Variants in RPS6KC1 observed in about 807,000 individuals in gnomAD.
RPS6KC1 encodes the protein inactive ribosomal protein S6 kinase delta-1.
RPS6KC1 carries 54 observed loss-of-function variants against 103.8 expected under a neutral mutation model. The ratio of observed to expected loss-of-function variants is 0.52; its 90% CI spans 0.42 to 0.65. The LOEUF is 0.65. Among genes scored for constraint, RPS6KC1 ranks in the 30% least tolerant of loss-of-function variants. The probability of loss-of-function intolerance (pLI) is 0.00; values close to 1 mark genes in which losing one functional copy is unlikely to be tolerated. For synonymous variants in RPS6KC1, 439 were observed against 438.7 expected, an observed-to-expected ratio of 1.00 and a Z score of -0.01; for missense variants, 1,151 against 1,253.8, an observed-to-expected ratio of 0.92 and a Z score of 1.24.
chr1:213,629,745 T>C, the RPS6KC1 span, among the ~76,000 whole-genome samples: 1 of 152,238 alleles, frequency 6.6e-6, no homozygotes, highest in African/African-American at 2.4e-5. Context: ...TCATGTTTAG[T>C]GCTTCCTTCA....
chr1:213,361,836 G>A, the RPS6KC1 span, among the ~76,000 whole-genome samples: 7 of 152,138 alleles, frequency 4.6e-5, no homozygotes, highest in African/African-American at 1.4e-4. Context: ...GCGTCTTTGC[G>A]GCTGTTCTGT....
intron 1 of RPS6KC1, among the ~76,000 whole-genome samples, chr1:213,060,127 AC>A (rs1439712927): frequency 2.0e-5 from 3 of 152,166 alleles, no homozygotes; most frequent in African/African-American, 7.2e-5. Context: ...TGCATGTTTT[AC>A]TTTTTAGTTT....
the RPS6KC1 span, among the ~76,000 whole-genome samples, chr1:213,495,317 C>T: frequency 3.9e-5 from 6 of 151,964 alleles, no homozygotes; most frequent in Non-Finnish European, 8.8e-5. Flanking sequence ...TGCACCCCCA[C>T]CCCGCTTTTT....
chr1:213,643,970 G>T, the RPS6KC1 span, among the ~76,000 whole-genome samples: 1 of 151,874 alleles, frequency 6.6e-6, no homozygotes, highest in Non-Finnish European at 1.5e-5. Flanking sequence ...ACCATACCGC[G>T]TCATGATGAA....
chr1:213,110,808 T>C (rs2082950368), intron 4 of RPS6KC1, among the ~76,000 whole-genome samples: 1 of 152,174 alleles, frequency 6.6e-6, no homozygotes, highest in African/African-American at 2.4e-5. Flanking sequence ...GAAGACCCCC[T>C]GTGGCTGTGT....
At chr1:213,339,865 G>C in the RPS6KC1 span, among the ~76,000 whole-genome samples, 4 of 152,096 alleles carry the variant, frequency 2.6e-5, no homozygotes, top group African/African-American at 9.7e-5. Flanking sequence ...GAAGAAAGTT[G>C]AGAGCTGAGG....
the RPS6KC1 span, among the ~76,000 whole-genome samples, chr1:213,837,682 C>T: frequency 5.5e-4 from 84 of 151,498 alleles, no homozygotes; most frequent in African/African-American, 1.8e-3. Context: ...TGTGTGTGTG[C>T]GTGTGTGTGT....
the RPS6KC1 span, among the ~76,000 whole-genome samples, chr1:213,830,064 C>T: frequency 1.4e-3 from 211 of 152,176 alleles, no homozygotes; most frequent in Non-Finnish European, 2.4e-3. Context: ...CCCCACTGGC[C>T]GTAATTAGAG....
the RPS6KC1 span, among the ~76,000 whole-genome samples, chr1:213,331,090 T>A: frequency 6.6e-6 from 1 of 152,256 alleles, no homozygotes; most frequent in Admixed American, 6.5e-5. Flanking sequence ...CATTGCATTG[T>A]ACATGGTTGG....
chr1:213,529,624 C>T, the RPS6KC1 span, among the ~76,000 whole-genome samples: 1 of 152,104 alleles, frequency 6.6e-6, no homozygotes, highest in African/African-American at 2.4e-5. Context: ...CACTTTTATT[C>T]CCATTTCACA....
chr1:213,698,506 C>T, the RPS6KC1 span, among the ~76,000 whole-genome samples: 1 of 152,152 alleles, frequency 6.6e-6, no homozygotes, highest in Non-Finnish European at 1.5e-5. Context: ...GTTATCTTTG[C>T]TTTTATACCA....
intron 8 of RPS6KC1, among the ~76,000 whole-genome samples, chr1:213,204,599 CAAT>C (rs2093279214): frequency 6.8e-6 from 1 of 146,110 alleles, no homozygotes; most frequent in Non-Finnish European, 1.5e-5. Context: ...TGCCATTAAA[CAAT>C]TTCTAATTTA....
chr1:213,342,135 G>A, the RPS6KC1 span, among the ~76,000 whole-genome samples: 1 of 152,282 alleles, frequency 6.6e-6, no homozygotes, highest in Non-Finnish European at 1.5e-5. Flanking sequence ...TGCTTAGGTG[G>A]GATGTGGATG....
the RPS6KC1 span, among the ~76,000 whole-genome samples, chr1:213,342,182 G>A: frequency 2.0e-5 from 3 of 152,098 alleles, no homozygotes; most frequent in Non-Finnish European, 2.9e-5. Context: ...CCTACCAGAC[G>A]AATGGTGCCC....
the RPS6KC1 span, among the ~76,000 whole-genome samples, chr1:213,381,829 G>A: frequency 2.0e-5 from 3 of 152,308 alleles, no homozygotes; most frequent in South Asian, 6.2e-4. Flanking sequence ...TGCAGTGGGC[G>A]AGTCGCCGCC....
the RPS6KC1 span, among the ~76,000 whole-genome samples, chr1:213,411,181 C>T: frequency 1.1e-4 from 17 of 152,172 alleles, no homozygotes; most frequent in African/African-American, 2.2e-4. Context: ...CCTGTCTTTA[C>T]GGAAGGCCTT....
chr1:213,637,488 C>T, the RPS6KC1 span, among the ~76,000 whole-genome samples: 1 of 152,184 alleles, frequency 6.6e-6, no homozygotes, highest in East Asian at 1.9e-4. Flanking sequence ...ATGGGTGCAG[C>T]AAACCAACAT....
intron 12 of RPS6KC1, among the ~76,000 whole-genome samples, chr1:213,245,878 C>A (rs2094446389): frequency 6.6e-6 from 1 of 152,044 alleles, no homozygotes; most frequent in African/African-American, 2.4e-5. Flanking sequence ...TAGTTTCTGC[C>A]AACTTAGTGA....
the RPS6KC1 span, among the ~76,000 whole-genome samples, chr1:213,358,921 C>T: frequency 6.6e-6 from 1 of 152,130 alleles, no homozygotes; most frequent in Non-Finnish European, 1.5e-5. Flanking sequence ...GTCTGAGAGA[C>T]AGTTTGTTAT....
Sources: allele counts gnomAD v4.1 joint callset (sites outside exome capture counted in the v4.1 genomes callset), GRCh38; gene constraint gnomAD v4.1.1; transcripts MANE v1.5; gene names NCBI Gene and HGNC (gene_info 2026-07-23, HGNC 2026-07-21).